The following DNM1 variants were observed in gnomAD, a reference collection of about 807,000 sequenced individuals.
DNM1 encodes dynamin 1.
Under a neutral mutation model 104.6 loss-of-function variants are expected in DNM1, and 29 were observed. The observed-to-expected ratio is 0.28, with a 90% CI of 0.21 to 0.38. DNM1 has a LOEUF of 0.38. Among genes scored for constraint, DNM1 ranks in the 10% least tolerant of loss-of-function variants. The pLI is 1.00. For synonymous variants in DNM1, 445 were observed against 475.8 expected (o/e 0.94, Z 0.84); for missense variants, 640 against 1,189.4 (o/e 0.54, Z 6.79).
chr9:128,204,823 C>G (rs1833816487), intron 1 of DNM1: 1 of 152,302 alleles, frequency 6.6e-6, no homozygotes, highest in African/African-American at 2.4e-5. Flanking sequence ...AGGCAGGGGC[C>G]CTTGTCCGCA....
intron 1 of DNM1, among the ~76,000 whole-genome samples, chr9:128,215,665 C>A (rs1041400070): frequency 2.6e-5 from 4 of 152,188 alleles, no homozygotes; most frequent in Non-Finnish European, 4.4e-5. Flanking sequence ...CTATGTGGCA[C>A]CTTGGAGACC....
chr9:128,218,817 G>GC lies in DNM1; in HGVS notation c.385+90dup, dbSNP rs1834768459. ...GTGCCTCGCTCCTCCTGCAGACTCC[G>GC]CCCCTAGAATGACCCTGCCTCTGCA... is the stretch of plus-strand genomic sequence containing the variant. On this transcript the variant is annotated intron_variant, in intron 3 of 21. Coordinates refer to ENST00000372923, the MANE Select transcript of DNM1 (RefSeq NM_004408.4). This position sits in a 1 kb window ranked among gnomAD's most constrained non-coding sequence, Gnocchi z 4.8. The GC allele has an allele frequency of 6.8e-7, 1 of 1,465,222 alleles. No individual in the cohort carries two copies. The highest frequency in any genetic ancestry group is 1.3e-5 in the South Asian group (1 of 74,554). 90.8% of individuals were successfully genotyped at this position (1,465,222 alleles called of 1,614,324 possible).
At position 128,248,835 on chromosome 9, in the gene DNM1, A is replaced by G. The variant is rs939643120; in HGVS notation, c.2076+82A>G. The G allele has an allele frequency of 6.7e-7, 1 of 1,490,078 alleles. No individual in the cohort carries two copies. The highest frequency in any genetic ancestry group is 1.7e-5 in the Admixed American group (1 of 58,118). The allele number at this position is 1,490,078 out of a possible 1,614,324, so 92.3% of individuals were successfully genotyped here. On this transcript the variant is annotated intron_variant, in intron 19 of 21. Coordinates refer to ENST00000372923, the MANE Select transcript of DNM1 (RefSeq NM_004408.4). This position sits in a 1 kb window ranked among gnomAD's most constrained non-coding sequence, Gnocchi z 5.6. ...GCCATGTTGGCCTGGGGGAGATGCC[A>G]ACCAGCCCTATGGGACCAGGTCCAG...
rs1461125244 is a variant in DNM1, at chr9:128,254,397, G to A, written c.2535-257G>A. 16 of 1,419,786 alleles carry A rather than the reference G, an allele frequency of 1.1e-5. No homozygotes were observed. The highest frequency in any genetic ancestry group is 1.1e-4 in the East Asian group (4 of 37,402). 87.9% of individuals were successfully genotyped at this position (1,419,786 alleles called of 1,614,324 possible). ...CCTGGGTGCCGTGTGAGAGGCCAGC[G>A]TGTGTGGGGTGGGGAGGGCCGCCAC... On this transcript the variant is annotated intron_variant, in intron 21 of 21. Coordinates refer to ENST00000372923, the MANE Select transcript of DNM1 (RefSeq NM_004408.4). This position sits in a 1 kb window ranked among gnomAD's most constrained non-coding sequence, Gnocchi z 6.1.
At chr9:128,233,434 C>G (rs556657630) in intron 10 of DNM1, 2 of 154,658 alleles carry the variant, frequency 1.3e-5, no homozygotes. Context: ...TCCTGCATGT[C>G]CTCTGGTGTG....
intron 21 of DNM1, chr9:128,252,763 G>A (rs4837258): frequency 2.5e-5 from 15 of 589,562 alleles, no homozygotes; most frequent in African/African-American, 3.7e-5. Context: ...CACCAGGCAC[G>A]AGTGTGCAGG....
chr9:128,244,879 T>C, intron 15 of DNM1: 1 of 474,726 alleles, frequency 2.1e-6, no homozygotes, highest in Non-Finnish European at 4.5e-6. Context: ...TTCAGCCCCA[T>C]CCCCTGGAGA....
chr9:128,207,420 A>C (rs956890397), intron 1 of DNM1, among the ~76,000 whole-genome samples: 9 of 152,116 alleles, frequency 5.9e-5, no homozygotes, highest in Admixed American at 5.9e-4. Flanking sequence ...TTTCATGAAC[A>C]GATGCCTGGT....
chr9:128,239,426 A>G lies in DNM1; in HGVS notation c.1423-19A>G. On this transcript the variant is annotated intron_variant, in intron 11 of 21. Transcript: ENST00000372923. ...GTGGTGTCTTTTGCGCTTGCCCACC[A>G]ACCTATGTATCCTTGAAGGTCATGC... is the stretch of plus-strand genomic sequence containing the variant. The G allele has an allele frequency of 6.2e-7, 1 of 1,610,786 alleles. No individual in the cohort carries two copies. Among genetic ancestry groups the G allele is most frequent in the Non-Finnish European group, 8.5e-7 (1 of 1,177,364 alleles).
chr9:128,219,362 T>C, intron 4 of DNM1, 110 bp downstream of exon 4: 2 of 997,150 alleles, frequency 2.0e-6, no homozygotes, highest in Non-Finnish European at 3.0e-6. Context: ...GGGATCAGAT[T>C]TGTACCTTTA....
chr9:128,241,830 G>T (rs1023907080), intron 14 of DNM1, among the ~76,000 whole-genome samples: 4 of 152,236 alleles, frequency 2.6e-5, no homozygotes, highest in African/African-American at 9.6e-5. Flanking sequence ...TTTCTAGGCA[G>T]AGGCGGCAGC....
intron 4 of DNM1, 62 bp downstream of exon 4, chr9:128,219,314 T>G: frequency 7.0e-7 from 1 of 1,426,630 alleles, no homozygotes; most frequent in South Asian, 1.2e-5. Context: ...CTATTCTTAG[T>G]GTAAAGGGGA....
In DNM1 at chr9:128,220,943, C is replaced by CT. The variant is rs1296451536; in HGVS notation, c.849+605dup. Among the ~76,000 whole-genome samples, 336 of 104,692 alleles carry CT rather than the reference C, an allele frequency of 3.2e-3. No homozygotes were observed. The highest frequency in any genetic ancestry group is 5.0e-3 in the Non-Finnish European group (241 of 48,364). 68.7% of individuals were successfully genotyped at this position (104,692 alleles called of 152,430 possible). On this transcript the variant is annotated intron_variant, in intron 6 of 21. Transcript: ENST00000372923. The surrounding 1 kb of genome is among the most constrained non-coding windows in gnomAD (Gnocchi z 5.2). ...TTTCTTTCTTTCTTTCTTTTCTTTT[C>CT]TTTCTTTCTTTCCTTTCTTCTTTCT...
Position 128,220,729 on chromosome 9 carries a change from G to GCA in DNM1, c.849+389_849+390insAC, listed in dbSNP as rs1271771111. On this transcript the variant is annotated intron_variant, in intron 6 of 21. Transcript: ENST00000372923. The surrounding 1 kb of genome is among the most constrained non-coding windows in gnomAD (Gnocchi z 5.2). ...GGAATGGGGCATCCAGAACTGAAGT[G>GCA]CGCGCGCGCGCGCGTGTGTGTGTGT... Among the ~76,000 whole-genome samples, 2 of 69,752 alleles carry GCA rather than the reference G, an allele frequency of 2.9e-5. No homozygotes were observed. The highest frequency in any genetic ancestry group is 6.1e-4 in the East Asian group (1 of 1,640). The allele number at this position is 69,752 out of a possible 152,430, so 45.8% of individuals were successfully genotyped here. A position where few individuals can be genotyped will look rare whatever the true frequency, so the allele number is the denominator to read the frequency against.
intron 10 of DNM1, among the ~76,000 whole-genome samples, chr9:128,231,244 C>T (rs1286250714): frequency 8.7e-6 from 1 of 115,284 alleles, no homozygotes; most frequent in Non-Finnish European, 1.7e-5. Flanking sequence ...CTCTTGTTGC[C>T]CAGGCTAGAG....
chr9:128,242,389 CAG>C, intron 15 of DNM1, 44 bp downstream of exon 15: 1 of 1,128,218 alleles, frequency 8.9e-7, no homozygotes, highest in Non-Finnish European at 1.4e-6. Flanking sequence ...GGCTGGTGGA[CAG>C]AGTCAGGCTC....
At position 128,248,608 on chromosome 9, in the gene DNM1, C is replaced by T. The variant is rs767913319; in HGVS notation, c.1931C>T (p.Ser644Phe). The T allele has an allele frequency of 6.2e-7, 1 of 1,613,934 alleles. No individual in the cohort carries two copies. Residue 644 changes from serine (S) to phenylalanine (F), a missense_variant, in exon 19 of 22, where the codon TCC (serine) becomes TTC (phenylalanine). By Grantham distance (155) the Ser-to-Phe change is radical (BLOSUM62 -2). Around this residue, in one of 7 missense-constraint regions of DNM1, gnomAD observed 91 missense variants for 256.3 expected, o/e 0.36. Coordinates refer to ENST00000372923, the MANE Select transcript of DNM1 (RefSeq NM_004408.4). This position sits in a 1 kb window ranked among gnomAD's most constrained non-coding sequence, Gnocchi z 5.6. Reference sequence around the variant, plus strand: ...GCCAGCGAGACCGAGGAGAATGGCTCCGACAGCTTCATGCATTCCATGGAC... The same window carrying T: ...GCCAGCGAGACCGAGGAGAATGGCTTCGACAGCTTCATGCATTCCATGGAC... ...EKASETEENG[S>F]DSFMHSMDPQ...
chr9:128,254,310 G>T lies in DNM1; in HGVS notation c.2535-344G>T. 7.2e-7 allele frequency: 1 copy of T among 1,391,206 alleles called. No homozygotes were observed. Among genetic ancestry groups the T allele is most frequent in the Non-Finnish European group, 9.2e-7 (1 of 1,082,900 alleles). The allele number at this position is 1,391,206 out of a possible 1,614,324, so 86.2% of individuals were successfully genotyped here. On this transcript the variant is annotated intron_variant, in intron 21 of 21. Transcript: ENST00000372923. This position sits in a 1 kb window ranked among gnomAD's most constrained non-coding sequence, Gnocchi z 6.1. ...CCCAGGCCAGTGGGTTGGAAGACAGGGTGACCAGAGAAGAGGGAAGCCCGA... is the reference window on the plus strand; with the variant it reads ...CCCAGGCCAGTGGGTTGGAAGACAGTGTGACCAGAGAAGAGGGAAGCCCGA...
intron 21 of DNM1, chr9:128,252,209 G>A (rs190062144): frequency 2.1e-4 from 52 of 251,136 alleles, no homozygotes; most frequent in Admixed American, 5.1e-4. Context: ...AGATGCAGCC[G>A]TAGGAGCACT....
Sources: gnomAD v4.1 joint callset for allele counts (sites outside exome capture counted in the v4.1 genomes callset) on GRCh38, gnomAD v4.1.1 for gene constraint, gnomAD v4.1.1 regional missense constraint, Gnocchi (gnomAD v3.1) non-coding constraint, MANE v1.5 for transcripts, NCBI Gene and HGNC (gene_info 2026-07-23, HGNC 2026-07-21) for gene names.